Variants in RYR3 observed in about 807,000 individuals in gnomAD.
The protein encoded by RYR3 is ryanodine receptor 3.
In RYR3, 207 loss-of-function variants were observed where a neutral mutation model predicts 584.3. The ratio of observed to expected loss-of-function variants is 0.35; its 90% CI spans 0.32 to 0.40. The LOEUF is 0.40. Ranked by LOEUF, RYR3 falls within the 10% of genes least tolerant of loss-of-function variation. The pLI is 1.00. For synonymous variants in RYR3, 2,416 were observed against 2,248.5 expected, an observed-to-expected ratio of 1.07 and a Z score of -2.11; for missense variants, 5,616 against 6,089.2, an observed-to-expected ratio of 0.92 and a Z score of 2.59.
chr15:33,395,195 G>T (rs16970533), intron 1 of RYR3, among the ~76,000 whole-genome samples: 4 of 152,340 alleles, frequency 2.6e-5, no homozygotes, highest in African/African-American at 9.6e-5. Context: ...ACTAGTGCCC[G>T]TGCTTATAGC....
chr15:33,656,394 C>G (rs1314600341), intron 32 of RYR3, among the ~76,000 whole-genome samples: 3 of 152,194 alleles, frequency 2.0e-5, no homozygotes, highest in African/African-American at 7.2e-5. Context: ...CTGCCGCCTC[C>G]CCATGCATGA....
At chr15:33,823,217 G>A (rs2152960445) in intron 81 of RYR3, 145 bp downstream of exon 81, 1 of 615,032 alleles carries the variant, frequency 1.6e-6, no homozygotes, top group South Asian at 2.4e-5. Context: ...GAGAGTAGGT[G>A]TTGTTCCTCC....
chr15:33,482,597 T>C (rs549704014), intron 2 of RYR3, among the ~76,000 whole-genome samples: 15 of 152,230 alleles, frequency 9.9e-5, no homozygotes, highest in Admixed American at 8.5e-4. Flanking sequence ...TTTTTGTATT[T>C]TTGTAGGGAT....
rs537253550 is a variant in RYR3 at position 33,683,294 on chromosome 15, G to A, written c.5860+12738G>A. On this transcript the variant is annotated intron_variant, in intron 38 of 103. Transcript: ENST00000634891. ...CAGGTGTGAGCCACCGCGCCCAGCCGAGAGTCATGTTTCTTATGAATACTG... is the reference window on the plus strand; with the variant it reads ...CAGGTGTGAGCCACCGCGCCCAGCCAAGAGTCATGTTTCTTATGAATACTG... Among the ~76,000 whole-genome samples the A allele has an allele frequency of 1.3e-4, 20 of 152,048 alleles. No individual in the cohort carries two copies. The South Asian group carries it at 2.9e-3, about 22-fold the overall frequency.
At chr15:33,823,115 C>T (rs1214804453) in intron 81 of RYR3, 43 bp downstream of exon 81, 3 of 1,554,992 alleles carry the variant, frequency 1.9e-6, no homozygotes, top group East Asian at 4.5e-5. Context: ...AAACTCTTCC[C>T]TCTAAGCATA....
Position 33,450,518 on chromosome 15 carries a change from T to C in RYR3, c.52-22901T>C, listed in dbSNP as rs16971065. Among the ~76,000 whole-genome samples the C allele has an allele frequency of 3.2e-3, 484 of 152,096 alleles. 2 individuals carry two copies. Among genetic ancestry groups the C allele is most frequent in the African/African-American group, 0.011 (468 of 41,500 alleles). On this transcript the variant is annotated intron_variant, in intron 1 of 103. Transcript: ENST00000634891. ...AGAGCCCGAGGTGCTGAGACAAAAC[T>C]GTTTGGAGCAGAGTGACGTTATCTA... is the stretch of plus-strand genomic sequence containing the variant.
At chr15:33,521,146 A>G (rs2053952606) in intron 3 of RYR3, among the ~76,000 whole-genome samples, 1 of 152,068 alleles carries the variant, frequency 6.6e-6, no homozygotes, top group South Asian at 2.1e-4. Flanking sequence ...CTAGGTTACC[A>G]TAGCATCTCG....
chr15:33,733,419 A>T (rs1347550281), intron 48 of RYR3, among the ~76,000 whole-genome samples: 1 of 152,266 alleles, frequency 6.6e-6, no homozygotes, highest in Non-Finnish European at 1.5e-5. Flanking sequence ...TCAGTGCTAA[A>T]AAGAAATGAG....
At chr15:33,632,926 T>C (rs2061337762) in intron 23 of RYR3, 23 bp from the exon 24 acceptor site, 1 of 1,596,320 alleles carries the variant, frequency 6.3e-7, no homozygotes, top group African/African-American at 1.3e-5. Flanking sequence ...GTTAAAAATG[T>C]ATACTTTTAC....
intron 3 of RYR3, among the ~76,000 whole-genome samples, chr15:33,517,703 T>C (rs781358516): frequency 1.3e-5 from 2 of 152,174 alleles, no homozygotes; most frequent in African/African-American, 2.4e-5. Context: ...GGACATGACA[T>C]TGTATAACTC....
At chr15:33,552,803 G>A (rs1327664024) in intron 10 of RYR3, among the ~76,000 whole-genome samples, 1 of 152,258 alleles carries the variant, frequency 6.6e-6, no homozygotes, top group Non-Finnish European at 1.5e-5. Flanking sequence ...GGGGAAGGGC[G>A]GTAGAAAGGC....
rs2078509618 is a variant in RYR3, at chr15:33,843,420, G to A, written c.13210-68G>A. On this transcript the variant is annotated intron_variant, in intron 91 of 103. Coordinates refer to ENST00000634891, the MANE Select transcript of RYR3 (RefSeq NM_001036.6). ...AACTTCTAACCAGAACTGACCTTCTGTGTGAAAGTAGGAAGTTCTCTTTTC... is the reference window on the plus strand; with the variant it reads ...AACTTCTAACCAGAACTGACCTTCTATGTGAAAGTAGGAAGTTCTCTTTTC... 8 of 1,077,694 alleles carry A rather than the reference G, an allele frequency of 7.4e-6. No individual in the cohort carries two copies. The South Asian group carries it at 9.4e-5, about 13-fold the overall frequency. The allele number at this position is 1,077,694 out of a possible 1,614,324, so 66.8% of individuals were successfully genotyped here. A position where few individuals can be genotyped will look rare whatever the true frequency, so the allele number is the denominator to read the frequency against.
At chr15:33,644,607 CT>C in intron 28 of RYR3, 88 bp downstream of exon 28, 1 of 973,488 alleles carries the variant, frequency 1.0e-6, no homozygotes, top group Non-Finnish European at 1.6e-6. Context: ...CAGGCAGCTG[CT>C]TACCTAAGTC....
At chr15:33,413,286 A>C (rs764182913) in intron 1 of RYR3, among the ~76,000 whole-genome samples, 1 of 152,238 alleles carries the variant, frequency 6.6e-6, no homozygotes, top group Non-Finnish European at 1.5e-5. Flanking sequence ...AGAGTTTGTC[A>C]TATCTTAGAA....
chr15:33,398,886 G>A (rs775939407), intron 1 of RYR3, among the ~76,000 whole-genome samples: 8 of 152,296 alleles, frequency 5.3e-5, no homozygotes, highest in Middle Eastern at 3.4e-3. Context: ...ACCTGGGTGC[G>A]GGGTGCACCT....
chr15:33,411,513 C>T (rs1014840696), intron 1 of RYR3, among the ~76,000 whole-genome samples: 5 of 152,214 alleles, frequency 3.3e-5, no homozygotes, highest in South Asian at 2.1e-4. Flanking sequence ...GGGATGCACA[C>T]GGTGAAGAAA....
intron 1 of RYR3, among the ~76,000 whole-genome samples, chr15:33,450,659 A>G (rs746088525): frequency 2.7e-5 from 4 of 150,942 alleles, no homozygotes; most frequent in Non-Finnish European, 5.9e-5. Context: ...TCTTTTATTT[A>G]CACTGCACAC....
intron 1 of RYR3, among the ~76,000 whole-genome samples, chr15:33,466,100 A>G (rs2048466760): frequency 6.6e-6 from 1 of 152,210 alleles, no homozygotes; most frequent in Non-Finnish European, 1.5e-5. Context: ...GAGTTCAGAG[A>G]AGAGGTTTAA....
chr15:33,753,141 T>G (rs1048841452), intron 57 of RYR3, among the ~76,000 whole-genome samples: 40 of 152,338 alleles, frequency 2.6e-4, no homozygotes, highest in African/African-American at 8.7e-4. Flanking sequence ...AATTCAAAAA[T>G]TACGTATTTG....
Sources: gnomAD v4.1 joint callset for allele counts (sites outside exome capture counted in the v4.1 genomes callset) on GRCh38, gnomAD v4.1.1 for gene constraint, MANE v1.5 for transcripts, NCBI Gene and HGNC (gene_info 2026-07-23, HGNC 2026-07-21) for gene names.